Variants in GRM7 observed in about 807,000 individuals in gnomAD.
The protein encoded by GRM7 is glutamate metabotropic receptor 7.
A neutral mutation model predicts 84.5 loss-of-function variants in GRM7; 35 were observed. That is an observed-to-expected ratio of 0.41 (90% CI 0.32 to 0.55). GRM7 has a LOEUF of 0.55. Among genes scored for constraint, GRM7 ranks in the 20% least tolerant of loss-of-function variants. The pLI is 0.19. For synonymous variants in GRM7, 487 were observed against 455.1 expected, an observed-to-expected ratio of 1.07 and a Z score of -0.89; for missense variants, 1,003 against 1,194.6, an observed-to-expected ratio of 0.84 and a Z score of 2.36.
chr3:7,576,765 T>G (rs1293359529), intron 7 of GRM7, among the ~76,000 whole-genome samples: 1 of 152,238 alleles, frequency 6.6e-6, no homozygotes, highest in African/African-American at 2.4e-5. Context: ...GTATAATAAC[T>G]TGCAGACGTA....
At position 7,452,667 on chromosome 3, in the gene GRM7, T is replaced by C. The variant is rs770193953; in HGVS notation, c.1235T>C (p.Ile412Thr). The C allele has an allele frequency of 2.5e-6, 4 of 1,613,582 alleles. No individual in the cohort carries two copies. The highest frequency in any genetic ancestry group is 2.5e-6 in the Non-Finnish European group (3 of 1,179,622). The change falls in exon 6 of 10, where the codon ATT (isoleucine) becomes ACT (threonine). Residue 412 changes from isoleucine to threonine, a missense_variant. Ile to Thr is a moderately conservative substitution (Grantham distance 89). Coordinates refer to ENST00000357716, the MANE Select transcript of GRM7 (RefSeq NM_000844.4). ...CAGGAGGGTAAAGTCCAGTTCGTGATTGACGCAGTCTATGCTATGGCTCAC... is the reference window on the plus strand; with the variant it reads ...CAGGAGGGTAAAGTCCAGTTCGTGACTGACGCAGTCTATGCTATGGCTCAC... ...YEQEGKVQFV[I>T]DAVYAMAHAL...
chr3:6,980,924 T>G (rs2124831690), intron 1 of GRM7, among the ~76,000 whole-genome samples: 1 of 152,324 alleles, frequency 6.6e-6, no homozygotes, highest in Non-Finnish European at 1.5e-5. Context: ...CTGGTGAAAT[T>G]ACTGAAGTTA....
chr3:7,006,410 A>C (rs1323903744), intron 1 of GRM7, among the ~76,000 whole-genome samples: 1 of 152,216 alleles, frequency 6.6e-6, no homozygotes, highest in Non-Finnish European at 1.5e-5. Flanking sequence ...GAACGCCCAC[A>C]GAGTAAATTC....
chr3:7,434,316 T>C (rs1696953500), intron 5 of GRM7, among the ~76,000 whole-genome samples: 2 of 152,208 alleles, frequency 1.3e-5, no homozygotes, highest in South Asian at 4.1e-4. Flanking sequence ...GATGAGGACT[T>C]CCTAATACAA....
intron 8 of GRM7, chr3:7,636,205 C>T (rs1698084597): frequency 2.2e-6 from 1 of 456,532 alleles, no homozygotes; most frequent in Non-Finnish European, 4.4e-6. Context: ...CAAGATTTAA[C>T]TTGAGCCTCA....
intron 2 of GRM7, among the ~76,000 whole-genome samples, chr3:7,241,052 T>C (rs4686119): frequency 0.81 from 122,709 of 152,056 alleles, 50,060 homozygotes; most frequent in East Asian, 0.98. Flanking sequence ...AATCCCCTCA[T>C]GGTACAGCAC....
chr3:6,894,491 C>A (rs1696098392), intron 1 of GRM7, among the ~76,000 whole-genome samples: 1 of 151,750 alleles, frequency 6.6e-6, no homozygotes, highest in African/African-American at 2.4e-5. Context: ...AGAATGGGAG[C>A]AAATAAGCCA....
intron 1 of GRM7, chr3:6,956,754 T>G: frequency 2.4e-6 from 1 of 416,472 alleles, no homozygotes; most frequent in South Asian, 1.8e-5. Context: ...GTCTCTTATA[T>G]ATCTTTAGAG....
chr3:7,624,074 T>C (rs528398100), intron 8 of GRM7, among the ~76,000 whole-genome samples: 10 of 152,180 alleles, frequency 6.6e-5, no homozygotes, highest in Non-Finnish European at 2.9e-5. Context: ...CGCATTGAAC[T>C]TAGGTCCTCT....
chr3:7,106,336 G>T (rs1308447073), intron 1 of GRM7, among the ~76,000 whole-genome samples: 1 of 151,420 alleles, frequency 6.6e-6, no homozygotes, highest in African/African-American at 2.4e-5. Flanking sequence ...ATAGTATGCA[G>T]CCTTTTTTTT....
intron 1 of GRM7, among the ~76,000 whole-genome samples, chr3:6,993,853 C>T (rs1694735692): frequency 6.6e-6 from 1 of 152,102 alleles, no homozygotes; most frequent in African/African-American, 2.4e-5. Context: ...AGAAGGAAGT[C>T]AGCAGAAAAT....
intron 1 of GRM7, among the ~76,000 whole-genome samples, chr3:6,930,778 G>T (rs149981759): frequency 6.6e-6 from 1 of 152,286 alleles, no homozygotes; most frequent in African/African-American, 2.4e-5. Context: ...ATTTCCAGCA[G>T]CAATAGGCAC....
At chr3:7,306,111 G>A (rs1700186196) in intron 3 of GRM7, among the ~76,000 whole-genome samples, 1 of 152,094 alleles carries the variant, frequency 6.6e-6, no homozygotes, top group South Asian at 2.1e-4. Flanking sequence ...AAATGAGAGT[G>A]CTCATTTCTC....
chr3:7,732,085 G>A (rs975422348), intron 9 of GRM7, among the ~76,000 whole-genome samples: 1 of 151,818 alleles, frequency 6.6e-6, no homozygotes, highest in African/African-American at 2.4e-5. Flanking sequence ...TCGCTTTGTC[G>A]CCCAGGCTGG....
intron 2 of GRM7, among the ~76,000 whole-genome samples, chr3:7,184,331 G>T (rs1335754890): frequency 2.0e-5 from 3 of 151,854 alleles, no homozygotes; most frequent in African/African-American, 4.8e-5. Context: ...ATAGCTCCTT[G>T]CCTTAGATGT....
intron 1 of GRM7, among the ~76,000 whole-genome samples, chr3:6,929,600 A>C (rs1697427616): frequency 6.6e-6 from 1 of 152,174 alleles, no homozygotes; most frequent in African/African-American, 2.4e-5. Flanking sequence ...TTACCAGTGC[A>C]TATTGTCTAC....
At chr3:6,937,612 C>T (rs184217104) in intron 1 of GRM7, among the ~76,000 whole-genome samples, 3 of 152,252 alleles carry the variant, frequency 2.0e-5, no homozygotes, top group South Asian at 2.1e-4. Flanking sequence ...ACCAAACAGC[C>T]TCAGACACTC....
intron 8 of GRM7, among the ~76,000 whole-genome samples, chr3:7,627,431 CTT>C (rs140383874): frequency 0.015 from 2,219 of 152,192 alleles, 63 homozygotes; most frequent in African/African-American, 0.05. Context: ...AATAATGACT[CTT>C]ATATGAAATA....
chr3:7,067,421 A>G (rs755418730), intron 1 of GRM7, among the ~76,000 whole-genome samples: 8 of 152,046 alleles, frequency 5.3e-5, no homozygotes, highest in African/African-American at 1.7e-4. Flanking sequence ...CCTTTTTACA[A>G]TAGCTGCAAA....
Sources: allele counts gnomAD v4.1 joint callset (sites outside exome capture counted in the v4.1 genomes callset), GRCh38; gene constraint gnomAD v4.1.1; transcripts MANE v1.5; gene names NCBI Gene and HGNC (gene_info 2026-07-23, HGNC 2026-07-21).